CTR9: variants seen among roughly 807,000 people sequenced by gnomAD.
The protein encoded by CTR9 is RNA polymerase-associated protein CTR9 homolog.
A neutral mutation model predicts 152.1 loss-of-function variants in CTR9; 41 were observed. The ratio of observed to expected loss-of-function variants is 0.27; its 90% CI spans 0.21 to 0.35. CTR9 has a LOEUF of 0.35. Ranked by LOEUF, CTR9 falls within the 10% of genes least tolerant of loss-of-function variation. The pLI is 1.00. For synonymous variants in CTR9, 476 were observed against 496.2 expected (o/e 0.96, Z 0.54); for missense variants, 917 against 1,424.4 (o/e 0.64, Z 5.73).
Position 10,760,194 on chromosome 11 carries a change from G to A in CTR9, c.614G>A (p.Gly205Asp). ...ATAGCGGAAGTTCGTTTAGGAATGG[G>A]TCATTGCTTTGTGAAACTTAACAAA... ...GCPAEVRLGM[G>D]HCFVKLNKLE... The change falls in exon 6 of 25, where the codon GGT becomes GAT. Residue 205 changes from glycine to aspartate, a missense_variant. Gly to Asp is a moderately conservative substitution (Grantham distance 94). Coordinates refer to ENST00000361367, the MANE Select transcript of CTR9 (RefSeq NM_014633.5). 6.2e-7 allele frequency: 1 copy of A among 1,614,032 alleles called. No individual in the cohort carries two copies.
chr11:10,768,039 G>T lies in CTR9; in HGVS notation c.1873-35G>T, dbSNP rs370645061. 15 of 1,613,424 alleles carry T rather than the reference G, an allele frequency of 9.3e-6. No individual in the cohort carries two copies. The African/African-American group carries it at 1.3e-4, about 14-fold the overall frequency. On this transcript the variant is annotated intron_variant, in intron 14 of 24. Coordinates refer to ENST00000361367, the MANE Select transcript of CTR9 (RefSeq NM_014633.5). ...AACAAAACTGATACTCTACATTCTC[G>T]TTTGAATCTTTTTTAAGAGCACTTG...
intron 21 of CTR9, among the ~76,000 whole-genome samples, chr11:10,773,757 T>C (rs1022578802): frequency 2.0e-5 from 3 of 151,940 alleles, no homozygotes; most frequent in Non-Finnish European, 4.4e-5. Flanking sequence ...TAGTGATGCA[T>C]GCCTGTAGTC....
intron 2 of CTR9, 66 bp from the exon 3 acceptor site, chr11:10,754,892 A>C (rs939104309): frequency 6.6e-7 from 1 of 1,513,568 alleles, no homozygotes; most frequent in South Asian, 1.2e-5. Context: ...TGCTGTAAAC[A>C]TTTGTGTACA....
In CTR9 at chr11:10,756,641, A is replaced by G. The variant is rs547447860; in HGVS notation, c.503-108A>G. ...ATATGAAATTTTGTTCTGTGTTTTC[A>G]AGTATTTCTCACTCAGAGATGTATT... On this transcript the variant is annotated intron_variant, in intron 4 of 24. Coordinates refer to ENST00000361367, the MANE Select transcript of CTR9 (RefSeq NM_014633.5). The G allele has an allele frequency of 2.2e-4, 150 of 690,878 alleles. 1 individual carries two copies. In the South Asian group the frequency reaches 3.7e-3, roughly 17 times the overall value. The allele number at this position is 690,878 out of a possible 1,614,324, so 42.8% of individuals were successfully genotyped here.
At chr11:10,775,495 A>C in intron 23 of CTR9, 26 bp from the exon 24 acceptor site, 1 of 1,576,544 alleles carries the variant, frequency 6.3e-7, no homozygotes, top group Non-Finnish European at 8.7e-7. Flanking sequence ...AGTCTTGACT[A>C]ATCTATTATG....
intron 6 of CTR9, 139 bp downstream of exon 6, chr11:10,760,460 A>G: frequency 1.3e-6 from 1 of 758,282 alleles, no homozygotes; most frequent in Non-Finnish European, 2.0e-6. Flanking sequence ...TGTAATGTAT[A>G]ACACCTAGTT....
chr11:10,770,662 AT>A, intron 18 of CTR9, 30 bp downstream of exon 18: 1 of 1,593,486 alleles, frequency 6.3e-7, no homozygotes, highest in Non-Finnish European at 8.5e-7. Context: ...AACCTATGAA[AT>A]GCTTTATTTG....
chr11:10,772,477 A>G (rs1409340775), intron 19 of CTR9, 43 bp from the exon 20 acceptor site: 2 of 1,363,436 alleles, frequency 1.5e-6, no homozygotes, highest in Non-Finnish European at 1.9e-6. Context: ...GTTTTTTAAT[A>G]TAGTAGTTAC....
rs567678481 is a variant in CTR9, at chr11:10,778,722, G to C, written c.3139G>C (p.Glu1047Gln). The C allele has an allele frequency of 1.9e-6, 3 of 1,613,904 alleles. No homozygotes were observed. The highest frequency in any genetic ancestry group is 1.1e-5 in the South Asian group (1 of 91,032). Residue 1047 changes from glutamate (E) to glutamine (Q), a missense_variant, in exon 25 of 25, where the codon GAA (glutamate) becomes CAA (glutamine). Transcript: ENST00000361367. ...CAGCAACAGTGACTCAGACGAGGACGAACAACGAAAGAAATGTGCCTCATC... is the reference window on the plus strand; with the variant it reads ...CAGCAACAGTGACTCAGACGAGGACCAACAACGAAAGAAATGTGCCTCATC... ...SNSNSDSDED[E>Q]QRKKCASSES...
chr11:10,773,855 C>G (rs1053917450), intron 21 of CTR9, among the ~76,000 whole-genome samples, 157 bp from the exon 22 acceptor site: 1 of 145,808 alleles, frequency 6.9e-6, no homozygotes, highest in South Asian at 2.2e-4. Context: ...ACTGCACTCT[C>G]GCCTGGGCAA....
Position 10,764,100 on chromosome 11 carries a change from C to G in CTR9, c.1195-12C>G. The G allele has an allele frequency of 1.2e-6, 2 of 1,613,474 alleles. No individual in the cohort carries two copies. The highest frequency in any genetic ancestry group is 1.7e-6 in the Non-Finnish European group (2 of 1,179,444). ...ATGGAATACTTCAGCTTAACAATCT[C>G]TTTTATCCCAGGGCCATTTGAAGAA... On this transcript the variant is annotated splice_polypyrimidine_tract_variant and intron_variant, in intron 9 of 24. Coordinates refer to ENST00000361367, the MANE Select transcript of CTR9 (RefSeq NM_014633.5).
Position 10,779,398 on chromosome 11 carries a change from G to C in CTR9, c.*293G>C. On this transcript the variant is annotated 3_prime_UTR_variant, in exon 25 of 25. Coordinates refer to ENST00000361367, the MANE Select transcript of CTR9 (RefSeq NM_014633.5). ...AAATCATTCCTACAAAGGTTTGACTGAAACTGTGGCAGATGTCTCATCTTC... is the reference window on the plus strand; with the variant it reads ...AAATCATTCCTACAAAGGTTTGACTCAAACTGTGGCAGATGTCTCATCTTC... 3.4e-6 allele frequency: 1 copy of C among 291,748 alleles called. No individual in the cohort carries two copies. The highest frequency in any genetic ancestry group is 5.6e-5 in the South Asian group (1 of 17,994). 18.1% of individuals were successfully genotyped at this position (291,748 alleles called of 1,614,324 possible).
chr11:10,771,515 A>T lies in CTR9; in HGVS notation c.2373-30A>T, dbSNP rs776441819. ...TTATTTCATTAGAATCTCTTTTTTT[A>T]AAAGTGAAGTATTTTCTCGTTTCAT... On this transcript the variant is annotated intron_variant, in intron 18 of 24. Coordinates refer to ENST00000361367, the MANE Select transcript of CTR9 (RefSeq NM_014633.5). 9.7e-6 allele frequency: 14 copies of T among 1,439,708 alleles called. No individual in the cohort carries two copies. The African/African-American group carries it at 1.1e-4, about 12-fold the overall frequency. The allele number at this position is 1,439,708 out of a possible 1,614,324, so 89.2% of individuals were successfully genotyped here. A position where few individuals can be genotyped will look rare whatever the true frequency, so the allele number is the denominator to read the frequency against.
intron 22 of CTR9, among the ~76,000 whole-genome samples, chr11:10,774,653 A>G (rs1863201944): frequency 6.6e-6 from 1 of 152,038 alleles, no homozygotes; most frequent in Non-Finnish European, 1.5e-5. Context: ...TGCCCTACCC[A>G]TTTCTCATGC....
At chr11:10,764,941 C>T (rs532551840) in intron 12 of CTR9, among the ~76,000 whole-genome samples, 12 of 152,216 alleles carry the variant, frequency 7.9e-5, no homozygotes, top group African/African-American at 2.4e-4. Flanking sequence ...CCAATTGGAC[C>T]GTATTTCAAT....
intron 23 of CTR9, 65 bp from the exon 24 acceptor site, chr11:10,775,456 C>G: frequency 6.9e-7 from 1 of 1,446,514 alleles, no homozygotes; most frequent in African/African-American, 1.4e-5. Flanking sequence ...GTAATGCAAA[C>G]CCAATTTAAC....
intron 21 of CTR9, 63 bp from the exon 22 acceptor site, chr11:10,773,949 T>G: frequency 1.7e-6 from 2 of 1,191,366 alleles, no homozygotes; most frequent in Non-Finnish European, 2.4e-6. Flanking sequence ...TTCTGTACCT[T>G]AGCATTCTAA....
intron 21 of CTR9, among the ~76,000 whole-genome samples, chr11:10,773,611 G>A (rs1863179099): frequency 6.6e-6 from 1 of 152,030 alleles, no homozygotes; most frequent in Non-Finnish European, 1.5e-5. Flanking sequence ...ATTTGGGCCG[G>A]GCACAGTGGC....
Position 10,756,825 on chromosome 11 carries a change from C to T in CTR9, c.579C>T (p.Asn193=). Residue 193 remains asparagine (N), a synonymous_variant, in exon 5 of 25, where the codon AAC becomes AAT. Coordinates refer to ENST00000361367, the MANE Select transcript of CTR9 (RefSeq NM_014633.5). ...ACTATAAGAAAGCATTGCGTACTAACCCAGGATGTCCAGGTAAGAGAAAAA... is the reference window on the plus strand; with the variant it reads ...ACTATAAGAAAGCATTGCGTACTAATCCAGGATGTCCAGGTAAGAGAAAAA... ...LAYYKKALRT[N]PGCPAEVRLG... The T allele has an allele frequency of 1.2e-6, 2 of 1,611,270 alleles. No individual in the cohort carries two copies. The highest frequency in any genetic ancestry group is 1.7e-6 in the Non-Finnish European group (2 of 1,178,116).
Sources: gnomAD v4.1 joint callset for allele counts (sites outside exome capture counted in the v4.1 genomes callset) on GRCh38, gnomAD v4.1.1 for gene constraint, MANE v1.5 for transcripts, NCBI Gene and HGNC (gene_info 2026-07-23, HGNC 2026-07-21) for gene names.